PTPRD: variants seen among roughly 807,000 people sequenced by gnomAD.
PTPRD encodes protein tyrosine phosphatase receptor type D.
In PTPRD, 34 loss-of-function variants were observed where a neutral mutation model predicts 214.5. The ratio of observed to expected loss-of-function variants is 0.16; its 90% CI spans 0.12 to 0.21. The LOEUF (loss-of-function observed/expected upper bound fraction) is 0.21. Among genes scored for constraint, PTPRD ranks in the 10% least tolerant of loss-of-function variants. The pLI is 1.00. For synonymous variants in PTPRD, 1,128 were observed against 845.7 expected (o/e 1.33, Z -5.79); for missense variants, 2,545 against 2,398.7 (o/e 1.06, Z -1.27).
At chr9:9,226,005 C>G (rs975535181) in intron 9 of PTPRD, among the ~76,000 whole-genome samples, 1 of 151,948 alleles carries the variant, frequency 6.6e-6, no homozygotes, top group Non-Finnish European at 1.5e-5. Context: ...TTATGGTTCC[C>G]TCTTCTGGAA....
At chr9:8,504,430 C>A (rs370175196) in intron 22 of PTPRD, 25 bp from the exon 23 acceptor site, 6 of 1,613,432 alleles carry the variant, frequency 3.7e-6, no homozygotes, top group Middle Eastern at 1.7e-4. Flanking sequence ...AGAATGTGGT[C>A]ATCTTCATTA....
At chr9:8,657,628 CTTTAG>C (rs1391235453) in intron 12 of PTPRD, among the ~76,000 whole-genome samples, 2 of 152,098 alleles carry the variant, frequency 1.3e-5, no homozygotes, top group East Asian at 1.9e-4. Flanking sequence ...TTGCTGTGCT[CTTTAG>C]TTTAATTAGA....
intron 3 of PTPRD, among the ~76,000 whole-genome samples, chr9:10,040,439 G>C (rs1202894985): frequency 1.3e-5 from 2 of 151,996 alleles, no homozygotes; most frequent in African/African-American, 4.8e-5. Context: ...TATACAGGCA[G>C]CCAAATTACT....
intron 3 of PTPRD, among the ~76,000 whole-genome samples, chr9:10,210,110 TA>T (rs2099508653): frequency 6.6e-6 from 1 of 152,258 alleles, no homozygotes; most frequent in East Asian, 1.9e-4. Context: ...TTCTACAAAT[TA>T]AAAAAATTTC....
intron 3 of PTPRD, among the ~76,000 whole-genome samples, chr9:10,276,734 G>C (rs1273989651): frequency 1.3e-5 from 2 of 152,176 alleles, no homozygotes; most frequent in Non-Finnish European, 2.9e-5. Flanking sequence ...GACTAATCAT[G>C]TCAGAACAGA....
chr9:10,315,157 T>G (rs554826284), intron 3 of PTPRD, among the ~76,000 whole-genome samples: 3 of 152,006 alleles, frequency 2.0e-5, no homozygotes, highest in African/African-American at 7.2e-5. Context: ...ATATGAGAGA[T>G]CTAGCATGAA....
chr9:10,151,624 T>A (rs886862976), intron 3 of PTPRD, among the ~76,000 whole-genome samples: 2 of 152,172 alleles, frequency 1.3e-5, no homozygotes, highest in African/African-American at 4.8e-5. Context: ...GAAAGTTTAC[T>A]ATTTTTAGCA....
chr9:9,212,831 G>A (rs995506038), intron 9 of PTPRD, among the ~76,000 whole-genome samples: 1 of 152,036 alleles, frequency 6.6e-6, no homozygotes, highest in African/African-American at 2.4e-5. Context: ...TTTGCAATGT[G>A]TGAGGTGAAA....
chr9:10,057,354 G>C (rs10809022), intron 3 of PTPRD, among the ~76,000 whole-genome samples: 28,925 of 152,018 alleles, frequency 0.19, 3,263 homozygotes, highest in East Asian at 0.51. Context: ...TAGTCACAAA[G>C]ATGTTGAGGA....
rs76686314 is a variant in PTPRD, at chr9:10,394,562, T to C, written c.-599-53545A>G. ...AGAAGAGAATGCACACCATGAAACC[T>C]TAGGATGCAAATAAATTTCCAAAAC... On this transcript the variant is annotated intron_variant, in intron 2 of 45. Transcript: ENST00000381196. Among the ~76,000 whole-genome samples, 793 of 151,944 alleles carry C rather than the reference T, an allele frequency of 5.2e-3. 6 individuals carry two copies. The highest frequency in any genetic ancestry group is 0.018 in the African/African-American group (736 of 41,506).
intron 2 of PTPRD, among the ~76,000 whole-genome samples, chr9:10,430,380 G>A (rs996252383): frequency 2.0e-5 from 3 of 151,688 alleles, no homozygotes; most frequent in Admixed American, 6.6e-5. Flanking sequence ...TTTAAATAAT[G>A]GTTAAATTAC....
rs140269132 is a variant in PTPRD at position 10,159,336 on chromosome 9, T to G, written c.-544-125546A>C. On this transcript the variant is annotated intron_variant, in intron 3 of 45. Transcript: ENST00000381196. ...TAGTCAGGAAAATATTGCAAATATA[T>G]CTAAGCAAATATAGTCAGGAAAAAA... Among the ~76,000 whole-genome samples the G allele has an allele frequency of 5.7e-3, 858 of 151,768 alleles. 10 individuals are homozygous for G. Among genetic ancestry groups the G allele is most frequent in the African/African-American group, 0.02 (819 of 41,388 alleles).
chr9:10,162,664 TATATGTATATAC>T (rs1378192775), intron 3 of PTPRD, among the ~76,000 whole-genome samples: 1 of 147,444 alleles, frequency 6.8e-6, no homozygotes, highest in African/African-American at 2.5e-5. Flanking sequence ...TATATACATG[TATATGTATATAC>T]ATGTATATAT....
chr9:8,786,242 T>G (rs2095959399), intron 11 of PTPRD, among the ~76,000 whole-genome samples: 1 of 152,160 alleles, frequency 6.6e-6, no homozygotes, highest in Non-Finnish European at 1.5e-5. Context: ...GAGTTTCATT[T>G]TGTTAAACAG....
At chr9:8,325,945 C>T (rs1243760072) in intron 44 of PTPRD, among the ~76,000 whole-genome samples, 1 of 152,124 alleles carries the variant, frequency 6.6e-6, no homozygotes, top group African/African-American at 2.4e-5. Flanking sequence ...CCTGAAGTTG[C>T]TTATCAGCTT....
At chr9:9,383,077 A>G (rs1244367223) in intron 9 of PTPRD, among the ~76,000 whole-genome samples, 1 of 152,024 alleles carries the variant, frequency 6.6e-6, no homozygotes, top group East Asian at 1.9e-4. Flanking sequence ...CTGTGTTTCT[A>G]TATTTCTTAA....
chr9:9,985,524 G>A (rs1476943199), intron 4 of PTPRD, among the ~76,000 whole-genome samples: 1 of 152,046 alleles, frequency 6.6e-6, no homozygotes, highest in Non-Finnish European at 1.5e-5. Context: ...AACAAATGAT[G>A]TGCTAGTGAT....
At chr9:8,633,542 G>C in intron 13 of PTPRD, 84 bp from the exon 14 acceptor site, 3 of 1,452,868 alleles carry the variant, frequency 2.1e-6, no homozygotes, top group Non-Finnish European at 2.8e-6. Context: ...TGGTGGATCC[G>C]CCATTAGGCT....
At chr9:9,344,813 C>T (rs2137611551) in intron 9 of PTPRD, among the ~76,000 whole-genome samples, 1 of 151,850 alleles carries the variant, frequency 6.6e-6, no homozygotes, top group Non-Finnish European at 1.5e-5. Context: ...GAGAAAAGTT[C>T]TACTTGAAAC....
Sources: gnomAD v4.1 joint callset for allele counts (sites outside exome capture counted in the v4.1 genomes callset) on GRCh38, gnomAD v4.1.1 for gene constraint, MANE v1.5 for transcripts, NCBI Gene and HGNC (gene_info 2026-07-23, HGNC 2026-07-21) for gene names.